Variants in RUFY3 observed in about 807,000 individuals in gnomAD.
RUFY3 encodes RUN and FYVE domain containing 3, also known as protein RUFY3.
In RUFY3, 34 loss-of-function variants were observed where a neutral mutation model predicts 84.0. The ratio of observed to expected loss-of-function variants is 0.40; its 90% CI spans 0.31 to 0.54. The LOEUF (loss-of-function observed/expected upper bound fraction) is 0.54, where lower values mean the gene tolerates loss of function less well. RUFY3 is among the 20% of genes least tolerant of loss of function. The probability of loss-of-function intolerance (pLI) is 0.39; values close to 1 mark genes in which losing one functional copy is unlikely to be tolerated. For missense variants in RUFY3, 507 were observed against 736.8 expected (o/e 0.69, Z 3.61); for synonymous variants, 242 against 252.9 (o/e 0.96, Z 0.41).
At position 70,808,513 on chromosome 4, in the gene RUFY3, TAAC is replaced by T. The variant is rs139005767; in HGVS notation, c.*1859_*1861del. On this transcript the variant is annotated 3_prime_UTR_variant, in exon 18 of 18. Transcript: ENST00000381006. ...ATAAATTCTGTCTCTTGGAAAGAGTTAACAACAGCCTGGGAAAGAGTTGTTATT... is the reference window on the plus strand; with the variant it reads ...ATAAATTCTGTCTCTTGGAAAGAGTTAACAGCCTGGGAAAGAGTTGTTATT... Among the ~76,000 whole-genome samples, 118 of 152,308 alleles carry T rather than the reference TAAC, an allele frequency of 7.7e-4. No individual in the cohort carries two copies. Among genetic ancestry groups the T allele is most frequent in the African/African-American group, 2.6e-3 (110 of 41,570 alleles).
chr4:70,713,605 G>C (rs1274841726), intron 1 of RUFY3, among the ~76,000 whole-genome samples: 1 of 152,194 alleles, frequency 6.6e-6, no homozygotes, highest in Non-Finnish European at 1.5e-5. Flanking sequence ...ATGATGTGTA[G>C]GAAAGGAGAG....
chr4:70,707,380 TCC>T (rs933589162), intron 1 of RUFY3, among the ~76,000 whole-genome samples: 2 of 152,200 alleles, frequency 1.3e-5, no homozygotes, highest in African/African-American at 2.4e-5. Context: ...TGCCTCAGCC[TCC>T]TGAGTAGCTG....
intron 12 of RUFY3, chr4:70,791,340 T>G: frequency 6.2e-7 from 1 of 1,606,924 alleles, no homozygotes; most frequent in Non-Finnish European, 8.5e-7. Context: ...TATCACAACT[T>G]AATTGTAAAA....
intron 2 of RUFY3, 24 bp from the exon 3 acceptor site, chr4:70,763,528 A>T: frequency 1.9e-6 from 3 of 1,583,846 alleles, no homozygotes; most frequent in Non-Finnish European, 2.6e-6. Context: ...ATATTAAAAT[A>T]CTGCTTTATT....
chr4:70,722,720 A>G lies in RUFY3; in HGVS notation c.147A>G (p.Ser49=), dbSNP rs747293624. The change falls in exon 1 of 18, where the codon TCA becomes TCG. Residue 49 remains serine, a synonymous_variant. Coordinates refer to ENST00000381006, the MANE Select transcript of RUFY3 (RefSeq NM_001037442.4). ...GCCTGCGAGAGCTGGATGACATCTCACTTACACCTGACCCAGAGCCTACCC... is the reference window on the plus strand; with the variant it reads ...GCCTGCGAGAGCTGGATGACATCTCGCTTACACCTGACCCAGAGCCTACCC... ...WLCLRELDDI[S]LTPDPEPTHE... 4.7e-5 allele frequency: 76 copies of G among 1,613,978 alleles called. No individual in the cohort carries two copies. Among genetic ancestry groups the G allele is most frequent in the Non-Finnish European group, 6.3e-5 (74 of 1,179,998 alleles).
intron 1 of RUFY3, chr4:70,741,534 T>C: frequency 9.8e-7 from 1 of 1,025,344 alleles, no homozygotes; most frequent in Non-Finnish European, 1.4e-6. Flanking sequence ...CTTTCAGTTA[T>C]CCCTTTGGAA....
Position 70,763,585 on chromosome 4 carries a change from T to A in RUFY3, c.386T>A (p.Phe129Tyr). The change falls in exon 3 of 18, where the codon TTC becomes TAC. Residue 129 changes from phenylalanine to tyrosine, a missense_variant. Phe to Tyr is a conservative substitution (Grantham distance 22). Around this residue, in one of 4 missense-constraint regions of RUFY3, gnomAD observed 133 missense variants for 301.1 expected, o/e 0.44. Coordinates refer to ENST00000381006, the MANE Select transcript of RUFY3 (RefSeq NM_001037442.4). Reference sequence around the variant, plus strand: ...ACTTTTCTCGGACAAAATAAATCCTTCTGGGGGCCTCTAGAACTGGTAGAA... The same window carrying A: ...ACTTTTCTCGGACAAAATAAATCCTACTGGGGGCCTCTAGAACTGGTAGAA... ...KKTFLGQNKS[F>Y]WGPLELVEKL... The A allele has an allele frequency of 1.2e-6, 2 of 1,612,688 alleles. No individual in the cohort carries two copies. Among genetic ancestry groups the A allele is most frequent in the Non-Finnish European group, 8.5e-7 (1 of 1,179,558 alleles).
intron 10 of RUFY3, among the ~76,000 whole-genome samples, chr4:70,788,068 C>T (rs537613469): frequency 8.0e-4 from 15 of 18,716 alleles, no homozygotes; most frequent in African/African-American, 3.3e-3. Flanking sequence ...GGGCAGATCA[C>T]GAGGTCAGGA....
intron 1 of RUFY3, chr4:70,741,515 G>T: frequency 1.3e-6 from 1 of 792,192 alleles, no homozygotes; most frequent in Non-Finnish European, 1.9e-6. Context: ...AAGAATCCTA[G>T]GAACCTCCCT....
intron 8 of RUFY3, among the ~76,000 whole-genome samples, chr4:70,779,214 T>G (rs1728486146): frequency 6.6e-6 from 1 of 152,156 alleles, no homozygotes; most frequent in Admixed American, 6.6e-5. Context: ...AGAGTACTGG[T>G]CAGAAGATCA....
intron 14 of RUFY3, among the ~76,000 whole-genome samples, chr4:70,798,572 A>G (rs1016983396): frequency 3.3e-5 from 5 of 152,150 alleles, no homozygotes; most frequent in Non-Finnish European, 4.4e-5. Context: ...GCCTGAGCCC[A>G]GGAGTTTGAG....
chr4:70,755,661 G>A (rs75234085), intron 1 of RUFY3, among the ~76,000 whole-genome samples: 8,990 of 152,240 alleles, frequency 0.059, 358 homozygotes, highest in East Asian at 0.1. Flanking sequence ...CTTTTTGAAA[G>A]AACATTGAGG....
intron 8 of RUFY3, among the ~76,000 whole-genome samples, chr4:70,782,765 T>C (rs1444850328): frequency 6.6e-6 from 1 of 151,892 alleles, no homozygotes; most frequent in East Asian, 2.0e-4. Context: ...ATACAAAAAT[T>C]AGTTGGGCGT....
intron 15 of RUFY3, among the ~76,000 whole-genome samples, chr4:70,801,270 A>T (rs928916410): frequency 2.6e-5 from 4 of 151,954 alleles, no homozygotes; most frequent in African/African-American, 9.7e-5. Flanking sequence ...GTATGATACT[A>T]TGATGGTGGA....
chr4:70,803,035 G>T, intron 16 of RUFY3, 52 bp downstream of exon 16: 3 of 1,416,410 alleles, frequency 2.1e-6, no homozygotes, highest in Non-Finnish European at 3.0e-6. Context: ...GAAGTTGGTT[G>T]TACCGTGCCT....
chr4:70,731,805 C>T (rs1197875973), intron 1 of RUFY3, among the ~76,000 whole-genome samples: 1 of 152,080 alleles, frequency 6.6e-6, no homozygotes, highest in Non-Finnish European at 1.5e-5. Flanking sequence ...TGGGCTCAAG[C>T]GATCACCCGC....
intron 1 of RUFY3, among the ~76,000 whole-genome samples, chr4:70,716,583 C>T (rs1274577536): frequency 6.6e-6 from 1 of 152,046 alleles, no homozygotes; most frequent in Non-Finnish European, 1.5e-5. Flanking sequence ...GTGGCTCATG[C>T]CTGTAATTCC....
chr4:70,759,374 G>A (rs202121135), intron 1 of RUFY3, among the ~76,000 whole-genome samples: 34 of 4,990 alleles, frequency 6.8e-3, no homozygotes, highest in Non-Finnish European at 0.061. Context: ...GTGTGTGTAT[G>A]TGTGTGTGTG....
chr4:70,801,573 GA>G (rs1484048896), intron 15 of RUFY3, among the ~76,000 whole-genome samples: 1 of 152,228 alleles, frequency 6.6e-6, no homozygotes, highest in Non-Finnish European at 1.5e-5. Context: ...ATACCACAGT[GA>G]GGTTTTGAGA....
Sources: allele counts gnomAD v4.1 joint callset (sites outside exome capture counted in the v4.1 genomes callset), GRCh38; gene constraint gnomAD v4.1.1; regional missense constraint gnomAD v4.1.1; transcripts MANE v1.5; gene names NCBI Gene and HGNC (gene_info 2026-07-23, HGNC 2026-07-21).